The following B3GALT1 variants were observed in gnomAD, a reference collection of about 807,000 sequenced individuals.
The protein encoded by B3GALT1 is beta-1,3-galactosyltransferase 1, also known as UDP-Gal:betaGlcNAc beta 1,3-galactosyltransferase, polypeptide 1.
In B3GALT1, 10 loss-of-function variants were observed where a neutral mutation model predicts 23.2. The ratio of observed to expected loss-of-function variants is 0.43; its 90% CI spans 0.27 to 0.73. The LOEUF is 0.73. Ranked by LOEUF, B3GALT1 falls within the 30% of genes least tolerant of loss-of-function variation. The pLI is 0.21. For synonymous variants in B3GALT1, 156 were observed against 141.5 expected, an observed-to-expected ratio of 1.10 and a Z score of -0.73; for missense variants, 299 against 405.4, an observed-to-expected ratio of 0.74 and a Z score of 2.25.
At chr2:167,492,628 T>TACAAGCATTTGGTTTTGCA (rs1312460318) in intron 2 of B3GALT1, among the ~76,000 whole-genome samples, 2 of 152,238 alleles carry the variant, frequency 1.3e-5, no homozygotes, top group African/African-American at 4.8e-5. Context: ...TTCACATTTT[T>TACAAGCATTTGGTTTTGCA]ACAAGCATTT....
At chr2:167,840,414 C>T (rs1202190733) in intron 4 of B3GALT1, among the ~76,000 whole-genome samples, 1 of 152,038 alleles carries the variant, frequency 6.6e-6, no homozygotes, top group African/African-American at 2.4e-5. Flanking sequence ...AGCCAAAAAA[C>T]ACATGAAAAA....
At chr2:167,604,814 A>G (rs955865837) in intron 2 of B3GALT1, among the ~76,000 whole-genome samples, 1 of 152,200 alleles carries the variant, frequency 6.6e-6, no homozygotes, top group African/African-American at 2.4e-5. Flanking sequence ...ATAGATGGGA[A>G]GAGGAGAAGG....
At chr2:167,302,881 G>C (rs1696472696) in intron 1 of B3GALT1, among the ~76,000 whole-genome samples, 1 of 151,984 alleles carries the variant, frequency 6.6e-6, no homozygotes, top group Admixed American at 6.6e-5. Flanking sequence ...TTTTTCTCTT[G>C]GCTCATATCT....
chr2:167,656,285 G>T (rs1198476810), intron 3 of B3GALT1, among the ~76,000 whole-genome samples: 1 of 152,014 alleles, frequency 6.6e-6, no homozygotes, highest in Non-Finnish European at 1.5e-5. Flanking sequence ...ATCATTCTTG[G>T]GTCTTCCTTA....
chr2:167,709,277 T>C (rs1687015221), intron 3 of B3GALT1, among the ~76,000 whole-genome samples: 1 of 152,206 alleles, frequency 6.6e-6, no homozygotes, highest in African/African-American at 2.4e-5. Flanking sequence ...TCTGCAGCAG[T>C]GCTTTAGAGT....
At chr2:167,570,811 G>T (rs1684278898) in intron 2 of B3GALT1, among the ~76,000 whole-genome samples, 1 of 151,848 alleles carries the variant, frequency 6.6e-6, no homozygotes, top group Non-Finnish European at 1.5e-5. Context: ...TAGTGAGCTT[G>T]GAAAATGTGG....
chr2:167,449,908 C>G (rs1458650448), intron 1 of B3GALT1, among the ~76,000 whole-genome samples: 1 of 151,998 alleles, frequency 6.6e-6, no homozygotes, highest in Non-Finnish European at 1.5e-5. Flanking sequence ...TGACATGTAC[C>G]TGTTAAACCA....
At chr2:167,408,144 T>C (rs1574067173) in intron 1 of B3GALT1, among the ~76,000 whole-genome samples, 1 of 150,044 alleles carries the variant, frequency 6.7e-6, no homozygotes, top group East Asian at 2.0e-4. Flanking sequence ...GCTAGCAAAC[T>C]AAACTCAACA....
rs1431478589 is a variant in B3GALT1 at position 167,422,762 on chromosome 2, G to A, written c.-510-67415G>A. Reference sequence around the variant, plus strand: ...TCTGGAAATGGCCTCCACTTCCAGAGATTAGAAGGACAGAGGTGCATTTTT... The same window carrying A: ...TCTGGAAATGGCCTCCACTTCCAGAAATTAGAAGGACAGAGGTGCATTTTT... On this transcript the variant is annotated intron_variant, in intron 1 of 4. Transcript: ENST00000392690. Among the ~76,000 whole-genome samples, 3 of 152,154 alleles carry A rather than the reference G, an allele frequency of 2.0e-5. No individual in the cohort carries two copies. In the East Asian group the frequency reaches 5.8e-4, roughly 29 times the overall value.
At chr2:167,689,413 G>A (rs564947786) in intron 3 of B3GALT1, among the ~76,000 whole-genome samples, 50 of 152,116 alleles carry the variant, frequency 3.3e-4, no homozygotes, top group Non-Finnish European at 6.6e-4. Flanking sequence ...AATAATTACA[G>A]GAGGTTCTCC....
intron 4 of B3GALT1, among the ~76,000 whole-genome samples, chr2:167,842,073 T>C (rs1043827262): frequency 2.6e-5 from 4 of 152,354 alleles, no homozygotes; most frequent in African/African-American, 7.2e-5. Context: ...CTGGGCTATA[T>C]AAAGACACAT....
At chr2:167,806,887 A>G (rs1048849940) in intron 3 of B3GALT1, among the ~76,000 whole-genome samples, 1 of 152,216 alleles carries the variant, frequency 6.6e-6, no homozygotes, top group African/African-American at 2.4e-5. Context: ...TTCAGAAGGA[A>G]TGGTACCAGC....
At chr2:167,510,105 C>T (rs1699982995) in intron 2 of B3GALT1, among the ~76,000 whole-genome samples, 1 of 151,982 alleles carries the variant, frequency 6.6e-6, no homozygotes, top group Admixed American at 6.6e-5. Flanking sequence ...TAGGTCTTAC[C>T]CAATATCAAA....
At chr2:167,494,593 G>T (rs1025798018) in intron 2 of B3GALT1, among the ~76,000 whole-genome samples, 1 of 152,078 alleles carries the variant, frequency 6.6e-6, no homozygotes, top group Non-Finnish European at 1.5e-5. Context: ...ATTTCAGGTA[G>T]TTTTAATTCT....
At chr2:167,757,159 T>G (rs562138914) in intron 3 of B3GALT1, among the ~76,000 whole-genome samples, 5 of 152,276 alleles carry the variant, frequency 3.3e-5, no homozygotes, top group South Asian at 4.1e-4. Flanking sequence ...AGCCTGGCAC[T>G]CTATCAGCAT....
At chr2:167,493,855 T>G (rs1427990939) in intron 2 of B3GALT1, among the ~76,000 whole-genome samples, 3 of 152,170 alleles carry the variant, frequency 2.0e-5, no homozygotes, top group Non-Finnish European at 4.4e-5. Flanking sequence ...GAACTAAATA[T>G]CTGATTAATT....
chr2:167,585,040 T>C (rs1402813521), intron 2 of B3GALT1, among the ~76,000 whole-genome samples: 1 of 152,168 alleles, frequency 6.6e-6, no homozygotes, highest in Non-Finnish European at 1.5e-5. Context: ...ACTCCTGCCT[T>C]GATTTTTCCT....
At chr2:167,610,910 C>CAAA (rs67057122) in intron 2 of B3GALT1, among the ~76,000 whole-genome samples, 13,211 of 91,776 alleles carry the variant, frequency 0.14, 1,547 homozygotes, top group African/African-American at 0.25. Flanking sequence ...TTTATTTGTA[C>CAAA]AAAAAAAAAA....
intron 2 of B3GALT1, among the ~76,000 whole-genome samples, chr2:167,503,703 C>G (rs1699879315): frequency 6.6e-6 from 1 of 152,206 alleles, no homozygotes; most frequent in Non-Finnish European, 1.5e-5. Context: ...CATATCAGCA[C>G]TGACCACCTC....
Sources: gnomAD v4.1 joint callset for allele counts (sites outside exome capture counted in the v4.1 genomes callset) on GRCh38, gnomAD v4.1.1 for gene constraint, MANE v1.5 for transcripts, NCBI Gene and HGNC (gene_info 2026-07-23, HGNC 2026-07-21) for gene names.